MLIP: variants seen among roughly 807,000 people sequenced by gnomAD.
MLIP encodes the protein muscular LMNA-interacting protein.
MLIP carries 79 observed loss-of-function variants against 84.8 expected under a neutral mutation model. The observed-to-expected ratio is 0.93, with a 90% CI of 0.78 to 1.12. The LOEUF is 1.12. Ranked by LOEUF, MLIP falls within the 50% of genes most tolerant of loss-of-function variation. MLIP has a pLI of 0.00. For missense variants in MLIP, 1,257 were observed against 1,160.6 expected (o/e 1.08, Z -1.21); for synonymous variants, 504 against 463.0 (o/e 1.09, Z -1.14).
chr6:54,021,299 A>G (rs1405438536), intron 1 of MLIP, among the ~76,000 whole-genome samples: 1 of 152,184 alleles, frequency 6.6e-6, no homozygotes, highest in Admixed American at 6.5e-5. Context: ...TATTTTTTCC[A>G]TTAAAATATT....
At chr6:54,149,647 C>A (rs1241734798) in intron 5 of MLIP, among the ~76,000 whole-genome samples, 2 of 151,984 alleles carry the variant, frequency 1.3e-5, no homozygotes, top group Non-Finnish European at 2.9e-5. Flanking sequence ...TGGACTAAAC[C>A]TCTTCACCCA....
intron 13 of MLIP, among the ~76,000 whole-genome samples, chr6:54,260,604 A>G (rs1205464768): frequency 6.6e-6 from 1 of 151,978 alleles, no homozygotes; most frequent in African/African-American, 2.4e-5. Flanking sequence ...AAGTAAAAGT[A>G]GGAGGATCAT....
intron 12 of MLIP, among the ~76,000 whole-genome samples, chr6:54,255,471 T>G (rs1439325456): frequency 1.3e-5 from 2 of 152,280 alleles, no homozygotes; most frequent in African/African-American, 2.4e-5. Flanking sequence ...TAATATCACA[T>G]TTTTAGTCAG....
intron 1 of MLIP, among the ~76,000 whole-genome samples, chr6:54,095,910 G>A (rs1283296642): frequency 6.6e-6 from 1 of 152,070 alleles, no homozygotes; most frequent in South Asian, 2.1e-4. Flanking sequence ...CTCATAATAA[G>A]CAAGTCAAAT....
intron 12 of MLIP, among the ~76,000 whole-genome samples, chr6:54,247,345 T>C (rs1366076165): frequency 1.3e-5 from 2 of 152,158 alleles, no homozygotes; most frequent in African/African-American, 4.8e-5. Flanking sequence ...AAAACCATCA[T>C]AGCTGTTAGT....
chr6:54,263,720 T>TA (rs56266816), intron 13 of MLIP, among the ~76,000 whole-genome samples: 18,007 of 151,208 alleles, frequency 0.12, 2,418 homozygotes, highest in African/African-American at 0.32. Flanking sequence ...ACTCTGAATT[T>TA]AAAAAAAAAC....
chr6:54,110,116 G>A (rs1769338901), upstream of MLIP, among the ~76,000 whole-genome samples: 1 of 151,092 alleles, frequency 6.6e-6, no homozygotes, highest in Non-Finnish European at 1.5e-5. Context: ...CCGATTAGCT[G>A]GGACTACAGC....
intron 11 of MLIP, among the ~76,000 whole-genome samples, chr6:54,207,560 G>C (rs1779123392): frequency 6.6e-6 from 1 of 152,014 alleles, no homozygotes. Flanking sequence ...GCTGCCTTAT[G>C]TAGGAGTAAA....
intron 4 of MLIP, among the ~76,000 whole-genome samples, chr6:54,141,839 A>C (rs1772342101): frequency 6.6e-6 from 1 of 152,222 alleles, no homozygotes; most frequent in Non-Finnish European, 1.5e-5. Context: ...GACAGTCTGA[A>C]GATTAGTTCC....
chr6:54,034,736 A>G (rs1223115152), intron 1 of MLIP, among the ~76,000 whole-genome samples: 1 of 152,158 alleles, frequency 6.6e-6, no homozygotes, highest in Non-Finnish European at 1.5e-5. Flanking sequence ...TTTATTATTG[A>G]AGAAAAAATA....
At chr6:54,192,023 A>T (rs1455778684) in intron 10 of MLIP, among the ~76,000 whole-genome samples, 1 of 150,912 alleles carries the variant, frequency 6.6e-6, no homozygotes, top group African/African-American at 2.4e-5. Context: ...TGATTTTATA[A>T]AATAAGATAT....
At chr6:54,059,000 C>T (rs952669614) in intron 1 of MLIP, 6 of 152,024 alleles carry the variant, frequency 3.9e-5, no homozygotes, top group Non-Finnish European at 7.4e-5. Flanking sequence ...GTATCAACAA[C>T]AAAAAAGTAA....
intron 1 of MLIP, among the ~76,000 whole-genome samples, chr6:54,075,080 T>C (rs1766717199): frequency 6.6e-6 from 1 of 151,808 alleles, no homozygotes. Flanking sequence ...AAACCCCAGC[T>C]CTACTAAAAA....
At chr6:54,215,110 C>A in intron 11 of MLIP, 1 of 1,492,148 alleles carries the variant, frequency 6.7e-7, no homozygotes, top group East Asian at 2.5e-5. Context: ...TGTGTACTTC[C>A]TCACTAAAAG....
intron 1 of MLIP, chr6:54,019,193 C>T (rs1206817127): frequency 8.5e-7 from 1 of 1,174,118 alleles, no homozygotes; most frequent in African/African-American, 1.6e-5. Context: ...GCCTCTGTTT[C>T]CATGTTTTGC....
intron 12 of MLIP, among the ~76,000 whole-genome samples, chr6:54,237,140 G>C (rs1159650164): frequency 6.6e-6 from 1 of 151,870 alleles, no homozygotes; most frequent in African/African-American, 2.4e-5. Flanking sequence ...TGTTAGGGGA[G>C]TGGGGACTGA....
At chr6:54,070,800 GTAA>G (rs980829202) in intron 1 of MLIP, among the ~76,000 whole-genome samples, 4 of 151,982 alleles carry the variant, frequency 2.6e-5, no homozygotes, top group Admixed American at 6.6e-5. Context: ...TTTCAAAGTA[GTAA>G]TGAGAACAAG....
At chr6:54,132,536 A>G (rs1450114635) in intron 3 of MLIP, among the ~76,000 whole-genome samples, 1 of 152,224 alleles carries the variant, frequency 6.6e-6, no homozygotes, top group Non-Finnish European at 1.5e-5. Context: ...CTTGGAGTAA[A>G]GAAATCTAGG....
intron 11 of MLIP, chr6:54,217,837 T>A: frequency 1.0e-6 from 1 of 985,220 alleles, no homozygotes; most frequent in Non-Finnish European, 1.2e-6. Flanking sequence ...ATTAAAAGAT[T>A]CATATATTGC....
Sources: allele counts gnomAD v4.1 joint callset (sites outside exome capture counted in the v4.1 genomes callset), GRCh38; gene constraint gnomAD v4.1.1; transcripts MANE v1.5; gene names NCBI Gene and HGNC (gene_info 2026-07-23, HGNC 2026-07-21).